Variants in CTNNA2 observed in about 807,000 individuals in gnomAD.
CTNNA2 encodes the protein catenin alpha-2.
In CTNNA2, 42 loss-of-function variants were observed where a neutral mutation model predicts 101.0. The ratio of observed to expected loss-of-function variants is 0.42; its 90% CI spans 0.32 to 0.54. The LOEUF is 0.54. Among genes scored for constraint, CTNNA2 ranks in the 20% least tolerant of loss-of-function variants. The probability of loss-of-function intolerance (pLI) is 0.14; values close to 1 mark genes in which losing one functional copy is unlikely to be tolerated. For synonymous variants in CTNNA2, 450 were observed against 456.4 expected (o/e 0.99, Z 0.18); for missense variants, 871 against 1,223.1 (o/e 0.71, Z 4.29).
intron 7 of CTNNA2, among the ~76,000 whole-genome samples, chr2:79,937,588 A>G (rs1687875727): frequency 6.6e-6 from 1 of 152,244 alleles, no homozygotes; most frequent in African/African-American, 2.4e-5. Context: ...GAACATTAGT[A>G]TCATTTGTCA....
At chr2:79,215,657 T>C (rs1444192274) in intron 2 of CTNNA2, among the ~76,000 whole-genome samples, 1 of 152,052 alleles carries the variant, frequency 6.6e-6, no homozygotes, top group Non-Finnish European at 1.5e-5. Context: ...TTATATTTGA[T>C]GAAAAAGAGC....
At chr2:79,913,515 G>C (rs1685958271) in intron 7 of CTNNA2, among the ~76,000 whole-genome samples, 1 of 152,168 alleles carries the variant, frequency 6.6e-6, no homozygotes, top group Non-Finnish European at 1.5e-5. Context: ...TTGCACAGTA[G>C]TGAGTGAAAA....
intron 9 of CTNNA2, among the ~76,000 whole-genome samples, chr2:80,420,072 C>T (rs1488474019): frequency 5.4e-5 from 8 of 147,350 alleles, no homozygotes; most frequent in African/African-American, 2.0e-4. Context: ...AACCCACCTT[C>T]CCCAAAGAGA....
intron 2 of CTNNA2, among the ~76,000 whole-genome samples, chr2:79,721,001 G>C (rs183270726): frequency 1.4e-4 from 21 of 151,776 alleles, no homozygotes; most frequent in African/African-American, 4.8e-4. Flanking sequence ...AATTAATATG[G>C]GGTTTAAGAG....
At chr2:79,660,490 TTTA>T (rs957922209) in intron 2 of CTNNA2, among the ~76,000 whole-genome samples, 65 of 151,924 alleles carry the variant, frequency 4.3e-4, no homozygotes, top group African/African-American at 1.6e-3. Context: ...ATAAAATATT[TTTA>T]TTGTTTTATA....
chr2:80,051,783 C>T (rs765973704), intron 7 of CTNNA2, among the ~76,000 whole-genome samples: 31 of 152,090 alleles, frequency 2.0e-4, no homozygotes, highest in Non-Finnish European at 2.8e-4. Flanking sequence ...GCATTTCAAG[C>T]GAAGCCCAGG....
chr2:80,007,933 C>T (rs570629208), intron 7 of CTNNA2, among the ~76,000 whole-genome samples: 3 of 152,278 alleles, frequency 2.0e-5, no homozygotes, highest in South Asian at 4.1e-4. Flanking sequence ...TCCTCAGTTT[C>T]GTACTCTATG....
At chr2:79,813,118 G>C (rs1469115094) in intron 3 of CTNNA2, among the ~76,000 whole-genome samples, 2 of 152,188 alleles carry the variant, frequency 1.3e-5, no homozygotes, top group Non-Finnish European at 2.9e-5. Context: ...AAGTAGGAAA[G>C]TCCTGGGTAA....
chr2:79,774,388 T>C (rs943835802), intron 3 of CTNNA2, among the ~76,000 whole-genome samples: 16 of 152,306 alleles, frequency 1.1e-4, no homozygotes, highest in Non-Finnish European at 2.4e-4. Flanking sequence ...ATACCCGCCA[T>C]GCCTCCAGTC....
chr2:79,557,076 C>T (rs114849857), intron 1 of CTNNA2, among the ~76,000 whole-genome samples: 2,225 of 152,032 alleles, frequency 0.015, 21 homozygotes, highest in Middle Eastern at 0.038. Context: ...TCATATCTAA[C>T]CAAAATCTCT....
chr2:79,442,496 C>T (rs1366428475), intron 4 of CTNNA2, among the ~76,000 whole-genome samples: 1 of 152,152 alleles, frequency 6.6e-6, no homozygotes, highest in African/African-American at 2.4e-5. Context: ...TCTGTTGTTA[C>T]AAAATGGCTT....
chr2:79,459,330 A>C (rs1418042509), intron 4 of CTNNA2, among the ~76,000 whole-genome samples: 1 of 152,150 alleles, frequency 6.6e-6, no homozygotes, highest in East Asian at 1.9e-4. Flanking sequence ...ACATACAGAC[A>C]AATTGTATTT....
At chr2:79,696,619 C>T (rs543062201) in intron 2 of CTNNA2, among the ~76,000 whole-genome samples, 3 of 152,026 alleles carry the variant, frequency 2.0e-5, no homozygotes, top group Non-Finnish European at 4.4e-5. Flanking sequence ...CCAGCACTTA[C>T]AATCTCACAT....
intron 7 of CTNNA2, among the ~76,000 whole-genome samples, chr2:80,085,739 T>G (rs989892964): frequency 6.6e-6 from 1 of 152,020 alleles, no homozygotes; most frequent in Non-Finnish European, 1.5e-5. Context: ...TGGAGTGATA[T>G]GGAGAAGGGG....
chr2:80,093,134 T>A (rs1213961461), intron 7 of CTNNA2, among the ~76,000 whole-genome samples: 1 of 152,036 alleles, frequency 6.6e-6, no homozygotes, highest in Non-Finnish European at 1.5e-5. Flanking sequence ...TAGGTATATC[T>A]CCTAGTGCTA....
At chr2:80,112,470 A>G (rs1701278656) in intron 7 of CTNNA2, among the ~76,000 whole-genome samples, 1 of 152,208 alleles carries the variant, frequency 6.6e-6, no homozygotes, top group Admixed American at 6.5e-5. Flanking sequence ...GGTTGGTCAG[A>G]AAAAGGCTTT....
intron 9 of CTNNA2, among the ~76,000 whole-genome samples, chr2:80,443,101 G>A (rs1402007686): frequency 6.6e-6 from 1 of 152,168 alleles, no homozygotes; most frequent in African/African-American, 2.4e-5. Flanking sequence ...ACTGAATAAA[G>A]GCAGCCTTCC....
intron 2 of CTNNA2, among the ~76,000 whole-genome samples, chr2:79,734,367 G>T (rs538764567): frequency 6.6e-6 from 1 of 151,974 alleles, no homozygotes; most frequent in South Asian, 2.1e-4. Flanking sequence ...TTGGTTTATT[G>T]TGTTTTATCA....
At chr2:80,169,898 G>A (rs1384430625) in intron 7 of CTNNA2, among the ~76,000 whole-genome samples, 2 of 152,174 alleles carry the variant, frequency 1.3e-5, no homozygotes, top group East Asian at 3.9e-4. Flanking sequence ...TCTAAACCTT[G>A]GCTTCTTTAT....
Sources: gnomAD v4.1 joint callset for allele counts (sites outside exome capture counted in the v4.1 genomes callset) on GRCh38, gnomAD v4.1.1 for gene constraint, MANE v1.5 for transcripts, NCBI Gene and HGNC (gene_info 2026-07-23, HGNC 2026-07-21) for gene names.